The following BRD10 variants were observed in gnomAD, a reference collection of about 807,000 sequenced individuals.
BRD10 encodes uncharacterized bromodomain-containing protein 10.
At chr9:5,988,429 G>C in the BRD10 span, 2 of 1,613,810 alleles carry the variant, frequency 1.2e-6, no homozygotes, top group Non-Finnish European at 1.7e-6. Context: ...TGTCAAGCCT[G>C]CCAAACTTCG....
At chr9:5,921,785 C>G in the BRD10 span, 1 of 1,613,938 alleles carries the variant, frequency 6.2e-7, no homozygotes, top group Non-Finnish European at 8.5e-7. Context: ...TAGTAGAGTA[C>G]TAGAACAAAT....
chr9:5,921,733 T>G, the BRD10 span: 1 of 1,614,008 alleles, frequency 6.2e-7, no homozygotes, highest in Non-Finnish European at 8.5e-7. Flanking sequence ...AATTTGCTGC[T>G]GATATGCTAA....
the BRD10 span, among the ~76,000 whole-genome samples, chr9:5,918,046 C>T: frequency 6.6e-6 from 1 of 152,174 alleles, no homozygotes; most frequent in South Asian, 2.1e-4. Flanking sequence ...ACCATCAATG[C>T]GCAATGCAAT....
the BRD10 span, chr9:5,929,295 G>T: frequency 2.0e-6 from 1 of 505,468 alleles, no homozygotes; most frequent in South Asian, 3.8e-5. Context: ...CAGAAAGGGG[G>T]AAAATATCCT....
the BRD10 span, among the ~76,000 whole-genome samples, chr9:5,979,676 T>C: frequency 6.6e-6 from 1 of 152,142 alleles, no homozygotes; most frequent in Non-Finnish European, 1.5e-5. Flanking sequence ...GAAATTTACT[T>C]GAGGAGAACC....
chr9:5,928,992 C>A, the BRD10 span: 1 of 950,092 alleles, frequency 1.1e-6, no homozygotes, highest in Non-Finnish European at 1.6e-6. Context: ...ATCCAAAAAT[C>A]GTAAATTAAG....
chr9:5,983,962 TAC>T, the BRD10 span, among the ~76,000 whole-genome samples: 7,589 of 129,594 alleles, frequency 0.059, 223 homozygotes, highest in Non-Finnish European at 0.065. Context: ...GTATATGCAT[TAC>T]ACACACACAC....
At chr9:5,948,809 G>C in the BRD10 span, among the ~76,000 whole-genome samples, 3 of 152,034 alleles carry the variant, frequency 2.0e-5, no homozygotes, top group Non-Finnish European at 4.4e-5. Context: ...AAAATAATAA[G>C]TGAAATACTA....
At chr9:5,922,815 G>A in the BRD10 span, 3 of 1,613,846 alleles carry the variant, frequency 1.9e-6, no homozygotes, top group African/African-American at 2.7e-5. Flanking sequence ...ATTTGTAAAG[G>A]ACCTTTTGTA....
At chr9:5,939,367 T>G in the BRD10 span, among the ~76,000 whole-genome samples, 3 of 152,232 alleles carry the variant, frequency 2.0e-5, no homozygotes, top group Non-Finnish European at 4.4e-5. Flanking sequence ...ATATCTTCAG[T>G]TAAGAACATA....
At chr9:5,944,894 G>T in the BRD10 span, 1 of 1,537,720 alleles carries the variant, frequency 6.5e-7, no homozygotes, top group Non-Finnish European at 8.8e-7. Flanking sequence ...CTGTTTTCCA[G>T]ATCTTTGAGT....
chr9:5,922,772 G>A, the BRD10 span: 3 of 1,613,894 alleles, frequency 1.9e-6, no homozygotes, highest in Non-Finnish European at 2.5e-6. Context: ...AAGATCTATT[G>A]GCAACCACTG....
chr9:5,920,863 T>C, the BRD10 span: 2 of 1,613,968 alleles, frequency 1.2e-6, no homozygotes, highest in South Asian at 2.2e-5. Context: ...TTTTCACAGT[T>C]GATATAGCCA....
At chr9:5,885,931 CTTTCTGGGAT>C in the BRD10 span, among the ~76,000 whole-genome samples, 2 of 152,188 alleles carry the variant, frequency 1.3e-5, no homozygotes, top group African/African-American at 4.8e-5. Flanking sequence ...GGCAACAGGA[CTTTCTGGGAT>C]TTTCAGGCAT....
the BRD10 span, among the ~76,000 whole-genome samples, chr9:5,982,911 G>A: frequency 6.6e-6 from 1 of 152,176 alleles, no homozygotes; most frequent in African/African-American, 2.4e-5. Context: ...ATACAGAACA[G>A]AAATCTATAT....
chr9:5,956,630 G>GCTTTAGC, the BRD10 span, among the ~76,000 whole-genome samples: 2 of 152,176 alleles, frequency 1.3e-5, no homozygotes, highest in Admixed American at 1.3e-4. Flanking sequence ...GTTAGCTATT[G>GCTTTAGC]CTTTAGCTTT....
At chr9:5,883,452 C>CCTT in the BRD10 span, among the ~76,000 whole-genome samples, 44 of 115,158 alleles carry the variant, frequency 3.8e-4, 1 homozygote, top group African/African-American at 9.8e-4. Flanking sequence ...TCATCCTATT[C>CCTT]CTTCTTCTTC....
the BRD10 span, among the ~76,000 whole-genome samples, chr9:5,952,316 C>T: frequency 6.6e-6 from 1 of 151,956 alleles, no homozygotes; most frequent in African/African-American, 2.4e-5. Context: ...CCACTGGGCC[C>T]GGCCAAGACC....
chr9:5,950,893 ATTG>A, the BRD10 span, among the ~76,000 whole-genome samples: 15 of 152,318 alleles, frequency 9.8e-5, no homozygotes, highest in African/African-American at 1.2e-4. Context: ...TGTGATATAA[ATTG>A]TTGTTATATC....
Sources: gnomAD v4.1 joint callset for allele counts (sites outside exome capture counted in the v4.1 genomes callset) on GRCh38, gnomAD v4.1.1 for gene constraint, MANE v1.5 for transcripts, NCBI Gene and HGNC (gene_info 2026-07-23, HGNC 2026-07-21) for gene names.